The following NHSL1 variants were observed in gnomAD, a reference collection of about 807,000 sequenced individuals.
NHSL1 encodes the protein NHS-like protein 1.
In NHSL1, 48 loss-of-function variants were observed where a neutral mutation model predicts 95.0. The observed-to-expected ratio is 0.51, with a 90% CI of 0.40 to 0.64. The LOEUF is 0.64. Ranked by LOEUF, NHSL1 falls within the 30% of genes least tolerant of loss-of-function variation. The pLI, the probability that NHSL1 is intolerant of heterozygous loss-of-function variation, is 0.00. For synonymous variants in NHSL1, 783 were observed against 833.9 expected (o/e 0.94, Z 1.05); for missense variants, 1,971 against 2,077.7 (o/e 0.95, Z 1.00).
At chr6:138,649,530 T>C (rs1454796446) in intron 1 of NHSL1, among the ~76,000 whole-genome samples, 1 of 151,972 alleles carries the variant, frequency 6.6e-6, no homozygotes, top group Non-Finnish European at 1.5e-5. Flanking sequence ...TGGACAGGAC[T>C]AGAGACGCTG....
At chr6:138,472,183 CAAA>C (rs10668786) in intron 3 of NHSL1, among the ~76,000 whole-genome samples, 11 of 92,438 alleles carry the variant, frequency 1.2e-4, no homozygotes, top group Admixed American at 2.1e-4. Flanking sequence ...AAGATCTCAC[CAAA>C]AAAAAAAAAA....
In NHSL1 at chr6:138,432,848, T is replaced by TGAGTCACAGAGGGACAACAGTGCG. The variant is rs1775800070; in HGVS notation, c.1473_1496dup (p.Leu493_Ala500dup). 2.6e-6 allele frequency: 4 copies of TGAGTCACAGAGGGACAACAGTGCG among 1,551,342 alleles called. No homozygotes were observed. Among genetic ancestry groups the TGAGTCACAGAGGGACAACAGTGCG allele is most frequent in the Non-Finnish European group, 3.5e-6 (4 of 1,146,776 alleles). On this transcript the variant is annotated inframe_insertion, in exon 6 of 8. Coordinates refer to ENST00000343505, the MANE Select transcript of NHSL1 (RefSeq NM_001144060.2). The surrounding 1 kb of genome is among the most constrained non-coding windows in gnomAD (Gnocchi z 4.4). ...TTGCTGGAGCATTTAGAGGGACGGC[T>TGAGTCACAGAGGGACAACAGTGCG]GAGTCACAGAGGGACAACAGTGCGG...
At position 138,432,094 on chromosome 6, in the gene NHSL1, C is replaced by T. The variant is rs1775724637; in HGVS notation, c.2251G>A (p.Ala751Thr). ...AGGGAGTAGACATTGGGGGTGGTGG[C>T]GGAAGTCATGCTGCTGCCAGCACTA... The part of the protein sequence containing the change: ...TVSAGSSMTS[A>T]TTPNVYSLCG... Residue 751 changes from alanine (A) to threonine (T), a missense_variant, in exon 6 of 8, where the codon GCC becomes ACC. Transcript: ENST00000343505. This position sits in a 1 kb window ranked among gnomAD's most constrained non-coding sequence, Gnocchi z 4.4. 7 of 1,551,362 alleles carry T rather than the reference C, an allele frequency of 4.5e-6. No individual in the cohort carries two copies. The highest frequency in any genetic ancestry group is 6.1e-6 in the Non-Finnish European group (7 of 1,146,928).
At chr6:138,680,978 C>A (rs767795767) in intron 1 of NHSL1, among the ~76,000 whole-genome samples, 1 of 152,180 alleles carries the variant, frequency 6.6e-6, no homozygotes, top group Non-Finnish European at 1.5e-5. Context: ...ATAAACTATT[C>A]CTAAAAATCA....
chr6:138,604,724 C>T (rs1235654282), intron 1 of NHSL1, among the ~76,000 whole-genome samples: 1 of 152,108 alleles, frequency 6.6e-6, no homozygotes, highest in Non-Finnish European at 1.5e-5. Flanking sequence ...CTCCTGGGTT[C>T]AAGCGATTCT....
chr6:138,607,178 C>A (rs958339216), intron 1 of NHSL1, among the ~76,000 whole-genome samples: 1 of 152,212 alleles, frequency 6.6e-6, no homozygotes, highest in African/African-American at 2.4e-5. Flanking sequence ...TGGAAATTAG[C>A]ATCACGCCTG....
intron 1 of NHSL1, among the ~76,000 whole-genome samples, chr6:138,600,553 G>A (rs1029154222): frequency 4.6e-5 from 7 of 152,304 alleles, no homozygotes; most frequent in African/African-American, 1.7e-4. Flanking sequence ...GTAACCAAAA[G>A]AGAACATTGC....
At chr6:138,546,033 T>C (rs1782780156), upstream of NHSL1, among the ~76,000 whole-genome samples, 2 of 152,212 alleles carry the variant, frequency 1.3e-5, no homozygotes, top group Non-Finnish European at 2.9e-5. Flanking sequence ...AAGAAATCAC[T>C]CAATTCAGTT....
rs1432833440 is a variant in NHSL1, at chr6:138,448,396, C to A, written c.340-1203G>T. Among the ~76,000 whole-genome samples, 3 of 152,142 alleles carry A rather than the reference C, an allele frequency of 2.0e-5. No homozygotes were observed. The South Asian group carries it at 6.2e-4, about 32-fold the overall frequency. On this transcript the variant is annotated intron_variant, in intron 3 of 7. Coordinates refer to ENST00000343505, the MANE Select transcript of NHSL1 (RefSeq NM_001144060.2). Reference sequence around the variant, plus strand: ...TTAAGTCCGAAGCATTTAAACGGAACTACCAATTATGAAAATAAAGCTTTT... The same window carrying A: ...TTAAGTCCGAAGCATTTAAACGGAAATACCAATTATGAAAATAAAGCTTTT...
At chr6:138,494,202 T>C (rs567624714) in intron 2 of NHSL1, among the ~76,000 whole-genome samples, 1 of 152,330 alleles carries the variant, frequency 6.6e-6, no homozygotes, top group South Asian at 2.1e-4. Flanking sequence ...CATACAGCAA[T>C]TTTTAGTTTG....
At chr6:138,503,779 C>T (rs935607704), upstream of NHSL1, among the ~76,000 whole-genome samples, 2 of 152,216 alleles carry the variant, frequency 1.3e-5, no homozygotes, top group African/African-American at 4.8e-5. Context: ...AACCTCTACT[C>T]AGATTTCACA....
At chr6:138,436,451 G>A (rs1337123844) in intron 5 of NHSL1, among the ~76,000 whole-genome samples, 2 of 152,238 alleles carry the variant, frequency 1.3e-5, no homozygotes, top group Non-Finnish European at 2.9e-5. Flanking sequence ...TGTGAAAGCT[G>A]AGAGAGGTGA....
intron 1 of NHSL1, among the ~76,000 whole-genome samples, chr6:138,562,517 C>A (rs1783450265): frequency 6.6e-6 from 1 of 152,082 alleles, no homozygotes; most frequent in South Asian, 2.1e-4. Flanking sequence ...CAAAAACTAG[C>A]CAGGCGTGGT....
At chr6:138,655,821 A>G (rs918892172) in intron 1 of NHSL1, among the ~76,000 whole-genome samples, 4 of 152,164 alleles carry the variant, frequency 2.6e-5, no homozygotes, top group African/African-American at 9.7e-5. Flanking sequence ...CCAATCCAGT[A>G]CCCATTGCCC....
chr6:138,662,818 A>G (rs960958978), intron 1 of NHSL1, among the ~76,000 whole-genome samples: 4 of 152,204 alleles, frequency 2.6e-5, no homozygotes, highest in African/African-American at 9.7e-5. Flanking sequence ...CAGAAGAAAA[A>G]AAAAATCAGT....
intron 1 of NHSL1, among the ~76,000 whole-genome samples, chr6:138,533,958 A>G (rs985092476): frequency 6.6e-6 from 1 of 152,240 alleles, no homozygotes; most frequent in African/African-American, 2.4e-5. Flanking sequence ...GAAACACATT[A>G]ACTTTTCTCC....
rs546124512 is a variant in NHSL1 at position 138,685,493 on chromosome 6, C to A, written c.96+6983G>T. On this transcript the variant is annotated intron_variant, in intron 1 of 3. Coordinates refer to the NHSL1 transcript ENST00000491526. ...ACAAGTACCTGCCTGATCTGCTTGG[C>A]AAGTGACTAATCCCTCAACATGTGA... 6.6e-5 allele frequency among the ~76,000 whole-genome samples: 10 copies of A among 152,118 alleles called. No individual in the cohort carries two copies. In the South Asian group the frequency reaches 1.5e-3, roughly 22 times the overall value.
intron 3 of NHSL1, among the ~76,000 whole-genome samples, chr6:138,450,993 GCTC>G (rs2128223963): frequency 6.6e-6 from 1 of 152,134 alleles, no homozygotes; most frequent in Non-Finnish European, 1.5e-5. Context: ...ATCCTCCCCT[GCTC>G]CTCCTCTTCC....
intron 1 of NHSL1, among the ~76,000 whole-genome samples, chr6:138,625,064 G>A (rs1417912884): frequency 1.3e-5 from 2 of 151,734 alleles, no homozygotes; most frequent in South Asian, 2.1e-4. Context: ...ATGTTAATAC[G>A]GTGGATATTA....
Sources: allele counts gnomAD v4.1 joint callset (sites outside exome capture counted in the v4.1 genomes callset), GRCh38; gene constraint gnomAD v4.1.1; non-coding constraint Gnocchi (gnomAD v3.1); transcripts MANE v1.5; gene names NCBI Gene and HGNC (gene_info 2026-07-23, HGNC 2026-07-21).